Variants in ACTR1A observed in about 807,000 individuals in gnomAD.
ACTR1A encodes the protein alpha-centractin.
ACTR1A carries 10 observed loss-of-function variants against 50.7 expected under a neutral mutation model. The observed-to-expected ratio is 0.20, with a 90% confidence interval of 0.12 to 0.33. The LOEUF (loss-of-function observed/expected upper bound fraction) is 0.33, where lower values mean the gene tolerates loss of function less well. Ranked by LOEUF, ACTR1A falls within the 10% of genes least tolerant of loss-of-function variation. The pLI is 1.00. For missense variants in ACTR1A, 253 were observed against 491.7 expected (o/e 0.51, Z 4.59); for synonymous variants, 177 against 184.2 (o/e 0.96, Z 0.32).
chr10:102,481,291 CCT>C (rs2062140072), intron 9 of ACTR1A, 119 bp from the exon 10 acceptor site: 2 of 1,192,328 alleles, frequency 1.7e-6, no homozygotes, highest in Admixed American at 2.6e-5. Context: ...GAAGCTCTGG[CCT>C]CTCTGGAGGG....
chr10:102,499,935 A>T (rs1465663839), intron 1 of ACTR1A, among the ~76,000 whole-genome samples: 1 of 152,226 alleles, frequency 6.6e-6, no homozygotes, highest in African/African-American at 2.4e-5. Flanking sequence ...CATCAATCCA[A>T]TGAAAAAACA....
chr10:102,495,621 C>G (rs2062216903), intron 1 of ACTR1A, among the ~76,000 whole-genome samples: 1 of 150,852 alleles, frequency 6.6e-6, no homozygotes, highest in Admixed American at 6.6e-5. Flanking sequence ...TCCCAGTACT[C>G]GGGAGGCTGA....
At position 102,484,181 on chromosome 10, in the gene ACTR1A, C is replaced by T; in HGVS notation, c.636G>A (p.Glu212=). The T allele has an allele frequency of 6.2e-7, 1 of 1,614,196 alleles. No homozygotes were observed. The highest frequency in any genetic ancestry group is 8.5e-7 in the Non-Finnish European group (1 of 1,180,028). ...TTACTTCTTTTATGGCCTTGACAAT[C>T]TCAAACTCAGAGGATGAGTGGAAGT... is the stretch of plus-strand genomic sequence containing the variant. ...GYDFHSSSEF[E]IVKAIKERAC... The change falls in exon 6 of 11, where the codon GAG becomes GAA. Residue 212 remains glutamate, a synonymous_variant. Transcript: ENST00000369905.
rs2062163961 is a variant in ACTR1A at position 102,485,641 on chromosome 10, A to G, written c.408T>C (p.Ala136=). Residue 136 remains alanine (A), a synonymous_variant, in exon 5 of 11, where the codon GCT becomes GCC. Coordinates refer to ENST00000369905, the MANE Select transcript of ACTR1A (RefSeq NM_005736.4). ...EVFFETFNVP[A]LFISMQAVLS... The stretch of plus-strand genomic sequence containing the variant: ...GTACAGCTTGCATGGAGATGAAAAG[A>G]GCGGGCACATTGAAGGTCTCGAAGA... The G allele has an allele frequency of 1.9e-6, 3 of 1,613,974 alleles. No individual in the cohort carries two copies. Among genetic ancestry groups the G allele is most frequent in the South Asian group, 2.2e-5 (2 of 91,060 alleles).
chr10:102,500,251 T>C (rs1369157495), intron 1 of ACTR1A, among the ~76,000 whole-genome samples: 3 of 152,158 alleles, frequency 2.0e-5, no homozygotes, highest in South Asian at 2.1e-4. Context: ...CTGGCCAATA[T>C]GGTGAAACCC....
At chr10:102,489,604 A>C (rs1195027940) in intron 2 of ACTR1A, among the ~76,000 whole-genome samples, 1 of 151,830 alleles carries the variant, frequency 6.6e-6, no homozygotes, top group African/African-American at 2.4e-5. Flanking sequence ...ATTTGAGGTC[A>C]AGAGTTTGAG....
chr10:102,484,973 T>C (rs888953104), intron 5 of ACTR1A, among the ~76,000 whole-genome samples: 1 of 152,274 alleles, frequency 6.6e-6, no homozygotes, highest in African/African-American at 2.4e-5. Flanking sequence ...CAGCTGATTT[T>C]TGCCCTGTGG....
At chr10:102,496,722 A>G (rs903671463) in intron 1 of ACTR1A, among the ~76,000 whole-genome samples, 2 of 152,236 alleles carry the variant, frequency 1.3e-5, no homozygotes, top group African/African-American at 2.4e-5. Context: ...TAAAAACTTA[A>G]GTGAATCAGC....
intron 4 of ACTR1A, among the ~76,000 whole-genome samples, chr10:102,487,436 C>A (rs1008568253): frequency 6.6e-6 from 1 of 151,796 alleles, no homozygotes; most frequent in African/African-American, 2.4e-5. Context: ...CAAAATTAGC[C>A]GGGCATGGTG....
intron 4 of ACTR1A, among the ~76,000 whole-genome samples, chr10:102,487,706 A>G (rs7358266): frequency 0.36 from 51,761 of 144,542 alleles, 9,248 homozygotes; most frequent in African/African-American, 0.4. Context: ...ATCTCGGCTC[A>G]CTGCAAGCTC....
chr10:102,488,336 C>G lies in ACTR1A; in HGVS notation c.190-61G>C. ...GGCTCCACCCAGGACCCTGTTCTCCCAAGACTAAGCAGTGCAAGCTGAATC... is the reference window on the plus strand; with the variant it reads ...GGCTCCACCCAGGACCCTGTTCTCCGAAGACTAAGCAGTGCAAGCTGAATC... On this transcript the variant is annotated intron_variant, in intron 3 of 10. Coordinates refer to ENST00000369905, the MANE Select transcript of ACTR1A (RefSeq NM_005736.4). This position sits in a 1 kb window ranked among gnomAD's most constrained non-coding sequence, Gnocchi z 4.4. 2 of 1,588,718 alleles carry G rather than the reference C, an allele frequency of 1.3e-6. No individual in the cohort carries two copies. The highest frequency in any genetic ancestry group is 1.7e-6 in the Non-Finnish European group (2 of 1,159,308).
intron 3 of ACTR1A, 33 bp downstream of exon 3, chr10:102,489,030 G>C: frequency 6.7e-7 from 1 of 1,486,342 alleles, no homozygotes; most frequent in Non-Finnish European, 9.0e-7. Context: ...TCCTCTGCTG[G>C]CTTAAGGCTT....
At chr10:102,490,826 C>T (rs2062188508) in intron 1 of ACTR1A, among the ~76,000 whole-genome samples, 1 of 152,062 alleles carries the variant, frequency 6.6e-6, no homozygotes, top group South Asian at 2.1e-4. Context: ...AAGCCTGTCT[C>T]TAGTAAAAAT....
intron 1 of ACTR1A, among the ~76,000 whole-genome samples, chr10:102,502,283 C>A (rs1232405004): frequency 6.6e-6 from 1 of 152,138 alleles, no homozygotes; most frequent in Non-Finnish European, 1.5e-5. Flanking sequence ...ACCAATAGAG[C>A]GATCGGAAAT....
intron 1 of ACTR1A, among the ~76,000 whole-genome samples, chr10:102,495,810 G>C (rs2062218944): frequency 6.9e-6 from 1 of 144,526 alleles, no homozygotes; most frequent in Non-Finnish European, 1.5e-5. Flanking sequence ...GCCCAGGCTG[G>C]AGTGCAGTGG....
intron 6 of ACTR1A, 84 bp from the exon 7 acceptor site, chr10:102,483,187 C>G (rs1273923949): frequency 2.9e-6 from 3 of 1,042,126 alleles, no homozygotes; most frequent in Non-Finnish European, 4.5e-6. Flanking sequence ...TGTGCTGCTG[C>G]ACAAACCTGT....
chr10:102,496,905 G>A (rs1270441192), intron 1 of ACTR1A, among the ~76,000 whole-genome samples: 4 of 152,196 alleles, frequency 2.6e-5, no homozygotes, highest in Non-Finnish European at 4.4e-5. Context: ...GGGGCTGGGC[G>A]TGGTGGCTCA....
At chr10:102,485,915 A>G (rs2062166091) in intron 4 of ACTR1A, among the ~76,000 whole-genome samples, 182 bp from the exon 5 acceptor site, 1 of 152,156 alleles carries the variant, frequency 6.6e-6, no homozygotes, top group Non-Finnish European at 1.5e-5. Context: ...CAACTTTTCA[A>G]GTTAATGCCC....
rs1451842311 is a variant in ACTR1A at position 102,479,320 on chromosome 10, C to T, written c.*1543G>A. 9.9e-6 allele frequency: 4 copies of T among 402,164 alleles called. No homozygotes were observed. The highest frequency in any genetic ancestry group is 1.8e-5 in the Non-Finnish European group (4 of 216,472). The allele number at this position is 402,164 out of a possible 1,614,324, so 24.9% of individuals were successfully genotyped here. The stretch of plus-strand genomic sequence containing the variant: ...AGGCTGTGCGAGGGACAGGCTTGGG[C>T]TAAGAGAAGGGAGGTGAGTTGGTTA... On this transcript the variant is annotated 3_prime_UTR_variant, in exon 11 of 11. Coordinates refer to ENST00000369905, the MANE Select transcript of ACTR1A (RefSeq NM_005736.4). This position sits in a 1 kb window ranked among gnomAD's most constrained non-coding sequence, Gnocchi z 4.0.
Sources: gnomAD v4.1 joint callset for allele counts (sites outside exome capture counted in the v4.1 genomes callset) on GRCh38, gnomAD v4.1.1 for gene constraint, Gnocchi (gnomAD v3.1) non-coding constraint, MANE v1.5 for transcripts, NCBI Gene and HGNC (gene_info 2026-07-23, HGNC 2026-07-21) for gene names.